Variants in TBC1D8 observed in about 807,000 individuals in gnomAD.
TBC1D8 encodes BUB2-like protein 1.
TBC1D8 carries 65 observed loss-of-function variants against 118.8 expected under a neutral mutation model. The observed-to-expected ratio is 0.55, with a 90% CI of 0.45 to 0.67. TBC1D8 has a LOEUF of 0.67. Among genes scored for constraint, TBC1D8 ranks in the 30% least tolerant of loss-of-function variants. TBC1D8 has a pLI of 0.00. For missense variants in TBC1D8, 1,376 were observed against 1,471.2 expected, an observed-to-expected ratio of 0.94 and a Z score of 1.06; for synonymous variants, 566 against 595.8, an observed-to-expected ratio of 0.95 and a Z score of 0.73.
chr2:101,117,797 G>T (rs376611945), intron 1 of TBC1D8, among the ~76,000 whole-genome samples: 1 of 150,688 alleles, frequency 6.6e-6, no homozygotes, highest in Non-Finnish European at 1.5e-5. Flanking sequence ...GGATGGTCTC[G>T]ATCTCCTGAT....
In TBC1D8 at chr2:101,007,884, G is replaced by A. The variant is rs376295678; in HGVS notation, c.3405C>T (p.Tyr1135=). The part of the protein sequence containing the change: ...SKLENAKINQ[Y]NLKTFEMSHQ... ...GGCTCATTTCAAAAGTTTTGAGATT[G>A]TACTGATTGATCTTGGCATTTTCAA... The change falls in exon 20 of 20, where the codon TAC becomes TAT. Residue 1135 remains tyrosine (Y), a synonymous_variant. Transcript: ENST00000409318. The A allele has an allele frequency of 1.4e-4, 224 of 1,614,006 alleles. 2 individuals are homozygous for A. In the African/African-American group the frequency reaches 2.6e-3, roughly 19 times the overall value.
At chr2:101,107,272 G>A (rs376426388) in intron 1 of TBC1D8, among the ~76,000 whole-genome samples, 1 of 152,140 alleles carries the variant, frequency 6.6e-6, no homozygotes, top group Admixed American at 6.5e-5. Flanking sequence ...GTTAATTGTA[G>A]GTGTCAACTT....
chr2:101,054,839 C>T (rs1463264496), intron 3 of TBC1D8, among the ~76,000 whole-genome samples: 1 of 151,340 alleles, frequency 6.6e-6, no homozygotes, highest in East Asian at 2.0e-4. Flanking sequence ...CGCACCACCA[C>T]GCTGGGCTAA....
intron 10 of TBC1D8, chr2:101,032,603 C>T: frequency 2.0e-6 from 1 of 498,896 alleles, no homozygotes; most frequent in Non-Finnish European, 3.6e-6. Flanking sequence ...CCACTCAGCT[C>T]CGGTCCCCAT....
chr2:101,060,094 G>C (rs1675568777), intron 2 of TBC1D8, among the ~76,000 whole-genome samples: 1 of 152,248 alleles, frequency 6.6e-6, no homozygotes, highest in Non-Finnish European at 1.5e-5. Flanking sequence ...GGCCAAGTGA[G>C]TTACCGCTGG....
At chr2:101,037,396 T>G in intron 8 of TBC1D8, 136 bp downstream of exon 8, 138 of 1,276,532 alleles carry the variant, frequency 1.1e-4, no homozygotes, top group Non-Finnish European at 1.3e-4. Context: ...TTTTCACCCA[T>G]GAGAACAAGA....
chr2:101,015,656 T>C (rs963406566), intron 17 of TBC1D8, among the ~76,000 whole-genome samples: 3 of 152,204 alleles, frequency 2.0e-5, no homozygotes, highest in South Asian at 2.1e-4. Flanking sequence ...GGCATCACGC[T>C]ACGTGACTTC....
intron 1 of TBC1D8, among the ~76,000 whole-genome samples, chr2:101,121,950 C>A (rs976811631): frequency 6.6e-6 from 1 of 152,072 alleles, no homozygotes; most frequent in African/African-American, 2.4e-5. Flanking sequence ...CTTATAGTCC[C>A]AGCTACTTGG....
intron 2 of TBC1D8, among the ~76,000 whole-genome samples, chr2:101,076,075 C>G (rs374063586): frequency 6.6e-6 from 1 of 152,162 alleles, no homozygotes; most frequent in South Asian, 2.1e-4. Context: ...TGCAGATGAC[C>G]AGGGCACCAA....
chr2:101,111,332 C>T lies in TBC1D8; in HGVS notation c.128-20968G>A, dbSNP rs544714252. On this transcript the variant is annotated intron_variant, in intron 1 of 19. Transcript: ENST00000409318. ...ACAAAGCTGCAGGGCGACCATATCACGCAGGATGCTCCGGCGGTGGCAACC... is the reference window on the plus strand; with the variant it reads ...ACAAAGCTGCAGGGCGACCATATCATGCAGGATGCTCCGGCGGTGGCAACC... 1.4e-4 allele frequency among the ~76,000 whole-genome samples: 22 copies of T among 152,290 alleles called. No homozygotes were observed. In the South Asian group the frequency reaches 3.3e-3, roughly 23 times the overall value.
intron 5 of TBC1D8, among the ~76,000 whole-genome samples, chr2:101,042,672 A>G (rs1167230393): frequency 1.3e-5 from 2 of 151,556 alleles, no homozygotes; most frequent in Non-Finnish European, 2.9e-5. Flanking sequence ...GTTAACAGTG[A>G]TTGTCTTTGC....
At chr2:101,018,841 G>C (rs1271272254) in intron 17 of TBC1D8, among the ~76,000 whole-genome samples, 2 of 152,170 alleles carry the variant, frequency 1.3e-5, no homozygotes, top group East Asian at 3.8e-4. Flanking sequence ...GTTCTCCTCT[G>C]AAAGTCCAAT....
chr2:101,105,737 G>A (rs1012961462), intron 1 of TBC1D8, among the ~76,000 whole-genome samples: 4 of 152,072 alleles, frequency 2.6e-5, no homozygotes, highest in African/African-American at 9.7e-5. Flanking sequence ...GTGAGGATGT[G>A]TAGCAGCAGG....
In TBC1D8 at chr2:101,090,371, A is replaced by G; in HGVS notation, c.128-7T>C. Reference sequence around the variant, plus strand: ...AGAGCGCCGACCAGGCGACCTTCAAAAGAAAAGAGAAGAAAGTGCACCTGT... The same window carrying G: ...AGAGCGCCGACCAGGCGACCTTCAAGAGAAAAGAGAAGAAAGTGCACCTGT... On this transcript the variant is annotated splice_region_variant and splice_polypyrimidine_tract_variant and intron_variant, in intron 1 of 19. Transcript: ENST00000409318. The G allele has an allele frequency of 6.2e-7, 1 of 1,613,698 alleles. No homozygotes were observed. The highest frequency in any genetic ancestry group is 8.5e-7 in the Non-Finnish European group (1 of 1,179,818).
intron 2 of TBC1D8, among the ~76,000 whole-genome samples, chr2:101,061,056 T>C (rs1228188569): frequency 6.6e-6 from 1 of 151,866 alleles, no homozygotes; most frequent in African/African-American, 2.4e-5. Flanking sequence ...GTCACGGTGG[T>C]GGGCCCCCCT....
rs1003282760 is a variant in TBC1D8 at position 101,076,327 on chromosome 2, A to G, written c.283+13882T>C. Among the ~76,000 whole-genome samples the G allele has an allele frequency of 7.4e-4, 113 of 152,240 alleles. 1 individual carries two copies. Among genetic ancestry groups the G allele is most frequent in the African/African-American group, 2.5e-3 (102 of 41,468 alleles). On this transcript the variant is annotated intron_variant, in intron 2 of 19. Coordinates refer to ENST00000409318, the MANE Select transcript of TBC1D8 (RefSeq NM_001330348.2). ...CATAACGGAAAAAAACCTTTGACGA[A>G]AGCTTGATGGGGGAGAATGCAATGG... is the stretch of plus-strand genomic sequence containing the variant.
At position 101,137,436 on chromosome 2, in the gene TBC1D8, T is replaced by C. The variant is rs553122574; in HGVS notation, c.127+13691A>G. Among the ~76,000 whole-genome samples, 1,118 of 152,000 alleles carry C rather than the reference T, an allele frequency of 7.4e-3. 17 individuals carry two copies. The highest frequency in any genetic ancestry group is 0.025 in the African/African-American group (1,052 of 41,458). ...CACGCCATTCTCCTGCCTCAGCCTC[T>C]CGAGTAGCTGGGACTACAGGCGCCC... On this transcript the variant is annotated intron_variant, in intron 1 of 19. Transcript: ENST00000409318.
intron 1 of TBC1D8, among the ~76,000 whole-genome samples, chr2:101,091,629 G>C (rs931612851): frequency 1.3e-5 from 2 of 152,192 alleles, no homozygotes; most frequent in African/African-American, 4.8e-5. Context: ...GGAGGCTGAG[G>C]CGGGAGGATG....
chr2:101,026,886 A>C lies in TBC1D8; in HGVS notation c.2520+497T>G, dbSNP rs547468517. On this transcript the variant is annotated intron_variant, in intron 15 of 19. Transcript: ENST00000409318. ...AGAGTTATTAAAAATGATTAAGACT[A>C]TACGGCAACATGGAAGAATGTTAAG... 6.6e-5 allele frequency among the ~76,000 whole-genome samples: 10 copies of C among 152,358 alleles called. No homozygotes were observed. The East Asian group carries it at 1.9e-3, about 29-fold the overall frequency.
Sources: gnomAD v4.1 joint callset for allele counts (sites outside exome capture counted in the v4.1 genomes callset) on GRCh38, gnomAD v4.1.1 for gene constraint, MANE v1.5 for transcripts, NCBI Gene and HGNC (gene_info 2026-07-23, HGNC 2026-07-21) for gene names.